MTR: variants seen among roughly 807,000 people sequenced by gnomAD.
The protein encoded by MTR is methionine synthase.
MTR carries 84 observed loss-of-function variants against 154.8 expected under a neutral mutation model. The ratio of observed to expected loss-of-function variants is 0.54; its 90% CI spans 0.45 to 0.65. MTR has a LOEUF of 0.65. MTR is among the 30% of genes least tolerant of loss of function. MTR has a pLI of 0.00. For synonymous variants in MTR, 554 were observed against 553.9 expected (o/e 1.00, Z 0.00); for missense variants, 1,275 against 1,570.2 (o/e 0.81, Z 3.18).
intron 7 of MTR, 94 bp downstream of exon 7, chr1:236,815,757 T>G: frequency 8.0e-7 from 1 of 1,243,324 alleles, no homozygotes; most frequent in South Asian, 1.2e-5. Context: ...GAACTATTAA[T>G]GGTATCTTTA....
intron 2 of MTR, among the ~76,000 whole-genome samples, chr1:236,805,891 CTTGA>C (rs1660956095): frequency 6.6e-6 from 1 of 152,168 alleles, no homozygotes; most frequent in Admixed American, 6.5e-5. Flanking sequence ...GTTTAAGGGA[CTTGA>C]TTAAGTTCTT....
chr1:236,857,503 A>G (rs1183136236), intron 18 of MTR, among the ~76,000 whole-genome samples: 2 of 152,212 alleles, frequency 1.3e-5, no homozygotes, highest in East Asian at 1.9e-4. Context: ...ACTCCACCGC[A>G]TGGGTTTTTG....
At chr1:236,882,077 A>T (rs1665766923) in intron 25 of MTR, among the ~76,000 whole-genome samples, 1 of 152,218 alleles carries the variant, frequency 6.6e-6, no homozygotes, top group African/African-American at 2.4e-5. Flanking sequence ...ATAAAATTGC[A>T]ATTTTTTATT....
At chr1:236,800,921 C>T (rs773401435) in intron 1 of MTR, among the ~76,000 whole-genome samples, 1 of 152,122 alleles carries the variant, frequency 6.6e-6, no homozygotes, top group Non-Finnish European at 1.5e-5. Flanking sequence ...TGTCTAAAAT[C>T]CCATAGCTAC....
chr1:236,830,185 A>AT lies in MTR; in HGVS notation c.1075+928dup, dbSNP rs201699383. 1.0e-2 allele frequency among the ~76,000 whole-genome samples: 1,482 copies of AT among 148,582 alleles called. 28 individuals carry two copies. The highest frequency in any genetic ancestry group is 0.032 in the African/African-American group (1,317 of 40,652). Reference sequence around the variant, plus strand: ...CGAACTATATTCAGGCTAGCCCTTTATTTTTTTTTTTAATACTCCAGAAGG... The same window carrying AT: ...CGAACTATATTCAGGCTAGCCCTTTATTTTTTTTTTTTAATACTCCAGAAGG... On this transcript the variant is annotated intron_variant, in intron 12 of 32. Coordinates refer to ENST00000366577, the MANE Select transcript of MTR (RefSeq NM_000254.3).
At chr1:236,838,268 G>A (rs1663022282) in intron 14 of MTR, 146 bp from the exon 15 acceptor site, 2 of 797,262 alleles carry the variant, frequency 2.5e-6, no homozygotes, top group East Asian at 2.6e-5. Flanking sequence ...TAAAGAACAA[G>A]TATATTAAAA....
At chr1:236,805,547 C>T (rs1248179586) in intron 2 of MTR, among the ~76,000 whole-genome samples, 3 of 152,052 alleles carry the variant, frequency 2.0e-5, no homozygotes, top group Non-Finnish European at 4.4e-5. Flanking sequence ...GTGGTGCCAC[C>T]GTGGCTCACT....
At chr1:236,887,358 G>T (rs74416014) in intron 27 of MTR, among the ~76,000 whole-genome samples, 5,903 of 152,246 alleles carry the variant, frequency 0.039, 367 homozygotes, top group African/African-American at 0.13. Context: ...GACTCACGGA[G>T]TGACCTTGAG....
At chr1:236,874,673 C>A in intron 23 of MTR, 53 bp from the exon 24 acceptor site, 1 of 1,415,818 alleles carries the variant, frequency 7.1e-7, no homozygotes, top group Non-Finnish European at 9.5e-7. Flanking sequence ...CTTTTTCTTT[C>A]ATCTTCCTCA....
At chr1:236,796,941 T>C (rs1660425712) in intron 1 of MTR, among the ~76,000 whole-genome samples, 2 of 152,112 alleles carry the variant, frequency 1.3e-5, no homozygotes, top group Admixed American at 6.5e-5. Flanking sequence ...GTTATTTCCC[T>C]TTCATCTGAA....
chr1:236,826,722 A>T, intron 10 of MTR, 107 bp from the exon 11 acceptor site: 1 of 842,482 alleles, frequency 1.2e-6, no homozygotes, highest in Non-Finnish European at 2.1e-6. Flanking sequence ...TCTTTTTAGT[A>T]TAGTCTTAGT....
At chr1:236,876,115 A>G (rs1430660271) in intron 24 of MTR, among the ~76,000 whole-genome samples, 1 of 152,240 alleles carries the variant, frequency 6.6e-6, no homozygotes, top group East Asian at 1.9e-4. Context: ...ATCAAAAAAA[A>G]TACTTTCACA....
At chr1:236,880,868 T>A in intron 25 of MTR, 32 bp downstream of exon 25, 2 of 1,576,664 alleles carry the variant, frequency 1.3e-6, no homozygotes, top group Non-Finnish European at 8.7e-7. Context: ...TTATTCCAGA[T>A]GTGTTGGAAA....
intron 28 of MTR, among the ~76,000 whole-genome samples, chr1:236,889,853 C>T (rs1264592378): frequency 6.6e-6 from 1 of 152,136 alleles, no homozygotes; most frequent in African/African-American, 2.4e-5. Flanking sequence ...AAGGCACAGG[C>T]ACATGTGCCT....
At chr1:236,810,097 C>T (rs2103037756) in intron 4 of MTR, among the ~76,000 whole-genome samples, 1 of 152,318 alleles carries the variant, frequency 6.6e-6, no homozygotes, top group South Asian at 2.1e-4. Context: ...TGTCCAAACA[C>T]AGCTGTGGTG....
At chr1:236,815,822 A>G (rs549260454) in intron 7 of MTR, among the ~76,000 whole-genome samples, 159 bp downstream of exon 7, 2 of 152,314 alleles carry the variant, frequency 1.3e-5, no homozygotes, top group South Asian at 4.1e-4. Context: ...CTTCTGGACC[A>G]ATAACAGTCT....
intron 20 of MTR, among the ~76,000 whole-genome samples, chr1:236,861,765 AC>A (rs1558318927): frequency 6.6e-6 from 1 of 152,226 alleles, no homozygotes; most frequent in Non-Finnish European, 1.5e-5. Context: ...GTTAACACAT[AC>A]TTGTTGAGCA....
intron 3 of MTR, among the ~76,000 whole-genome samples, chr1:236,806,938 G>A (rs1661018659): frequency 6.6e-6 from 1 of 152,132 alleles, no homozygotes; most frequent in South Asian, 2.1e-4. Flanking sequence ...TTTTAAGGTT[G>A]AATAATATAC....
At chr1:236,815,273 G>A (rs534718793) in intron 6 of MTR, among the ~76,000 whole-genome samples, 33 of 152,258 alleles carry the variant, frequency 2.2e-4, no homozygotes, top group African/African-American at 5.8e-4. Context: ...TCAGGCAGTC[G>A]TCCTGTCTCA....
Sources: gnomAD v4.1 joint callset for allele counts (sites outside exome capture counted in the v4.1 genomes callset) on GRCh38, gnomAD v4.1.1 for gene constraint, MANE v1.5 for transcripts, NCBI Gene and HGNC (gene_info 2026-07-23, HGNC 2026-07-21) for gene names.